Variants in ESRRG observed in about 807,000 individuals in gnomAD.
ESRRG encodes the protein estrogen related receptor gamma.
Under a neutral mutation model 44.0 loss-of-function variants are expected in ESRRG, and 13 were observed. That is an observed-to-expected ratio of 0.30 (90% confidence interval 0.19 to 0.47). ESRRG has a LOEUF of 0.47. Among genes scored for constraint, ESRRG ranks in the 20% least tolerant of loss-of-function variants. The pLI, the probability that ESRRG is intolerant of heterozygous loss-of-function variation, is 1.00. For missense variants in ESRRG, 395 were observed against 580.6 expected (o/e 0.68, Z 3.29); for synonymous variants, 215 against 214.6 (o/e 1.00, Z -0.02).
intron 2 of ESRRG, among the ~76,000 whole-genome samples, chr1:216,932,084 A>G (rs2063435427): frequency 6.6e-6 from 1 of 152,094 alleles, no homozygotes; most frequent in South Asian, 2.1e-4. Flanking sequence ...TGCACCTGTA[A>G]TCCGAGTTAC....
intron 2 of ESRRG, among the ~76,000 whole-genome samples, chr1:216,847,603 C>T (rs1012085701): frequency 5.3e-5 from 8 of 152,082 alleles, no homozygotes; most frequent in Non-Finnish European, 1.2e-4. Flanking sequence ...TCATTTTAGT[C>T]CAGGCTCCTG....
Position 217,019,226 on chromosome 1 carries a change from A to G in ESRRG, c.-106+70281T>C, listed in dbSNP as rs1579575500. On this transcript the variant is annotated intron_variant, in intron 1 of 7. Coordinates refer to the ESRRG transcript ENST00000359162. ...TTAGTCTATTCCTAAAACAAGAAAT[A>G]CAAAGCATTTAAGCAGGTATCACTA... 2.6e-5 allele frequency among the ~76,000 whole-genome samples: 4 copies of G among 152,366 alleles called. No homozygotes were observed. The East Asian group carries it at 7.7e-4, about 29-fold the overall frequency.
At chr1:216,590,747 G>T (rs982802913) in intron 3 of ESRRG, among the ~76,000 whole-genome samples, 1 of 152,014 alleles carries the variant, frequency 6.6e-6, no homozygotes, top group Non-Finnish European at 1.5e-5. Context: ...CTACAAACCC[G>T]GTTTTGTTTT....
At chr1:216,635,055 T>G (rs566613547) in intron 3 of ESRRG, among the ~76,000 whole-genome samples, 1 of 152,152 alleles carries the variant, frequency 6.6e-6, no homozygotes, top group African/African-American at 2.4e-5. Flanking sequence ...CCCCATATTT[T>G]GAGACTGAAA....
intron 1 of ESRRG, among the ~76,000 whole-genome samples, chr1:216,954,942 A>C (rs2067670733): frequency 6.6e-6 from 1 of 152,130 alleles, no homozygotes; most frequent in Admixed American, 6.6e-5. Context: ...GTACATATTT[A>C]TGCGGTATAG....
chr1:217,008,035 TA>T (rs1348970391), intron 1 of ESRRG, among the ~76,000 whole-genome samples: 3 of 152,224 alleles, frequency 2.0e-5, no homozygotes, highest in African/African-American at 7.2e-5. Flanking sequence ...TTTCATCTGC[TA>T]TGCTCAAATG....
At chr1:216,673,854 A>C (rs936160484) in intron 2 of ESRRG, among the ~76,000 whole-genome samples, 2 of 152,226 alleles carry the variant, frequency 1.3e-5, no homozygotes, top group African/African-American at 4.8e-5. Context: ...AATTCATCTC[A>C]ATCCACAACC....
At chr1:216,687,678 G>A (rs1334381909) in intron 1 of ESRRG, among the ~76,000 whole-genome samples, 1 of 152,110 alleles carries the variant, frequency 6.6e-6, no homozygotes, top group East Asian at 1.9e-4. Context: ...TTTTAATTCA[G>A]AATCTCTAGA....
chr1:216,834,939 G>C (rs1335052324), intron 2 of ESRRG, among the ~76,000 whole-genome samples: 1 of 152,150 alleles, frequency 6.6e-6, no homozygotes, highest in Non-Finnish European at 1.5e-5. Context: ...GACAGCAATT[G>C]AAGTACAGTA....
chr1:216,727,172 A>G (rs894602981), upstream of ESRRG, among the ~76,000 whole-genome samples: 1 of 152,212 alleles, frequency 6.6e-6, no homozygotes, highest in Admixed American at 6.5e-5. Flanking sequence ...CTAAATATGT[A>G]AAACTAAACA....
At chr1:217,019,516 G>C (rs576674422) in intron 1 of ESRRG, among the ~76,000 whole-genome samples, 1 of 152,168 alleles carries the variant, frequency 6.6e-6, no homozygotes, top group Non-Finnish European at 1.5e-5. Context: ...CTTAGAGTGT[G>C]CAAGGATAGT....
At chr1:216,673,422 C>T (rs980688380) in intron 2 of ESRRG, among the ~76,000 whole-genome samples, 17 of 152,332 alleles carry the variant, frequency 1.1e-4, no homozygotes, top group East Asian at 1.9e-4. Flanking sequence ...CCAAGTGCTG[C>T]GCAGCTGCCA....
At chr1:217,010,077 T>A (rs536417606) in intron 1 of ESRRG, among the ~76,000 whole-genome samples, 20 of 152,256 alleles carry the variant, frequency 1.3e-4, no homozygotes, top group African/African-American at 4.3e-4. Flanking sequence ...CCATGGGCAC[T>A]TTTTTATTGA....
At chr1:216,624,606 C>T (rs183516687) in intron 3 of ESRRG, among the ~76,000 whole-genome samples, 70 of 152,270 alleles carry the variant, frequency 4.6e-4, no homozygotes, top group Admixed American at 2.0e-3. Flanking sequence ...AAAAAACTGC[C>T]ATTCTTTCTC....
intron 1 of ESRRG, among the ~76,000 whole-genome samples, chr1:217,003,716 A>C (rs557613233): frequency 6.6e-6 from 1 of 151,832 alleles, no homozygotes; most frequent in South Asian, 2.1e-4. Context: ...TGGAAACAGG[A>C]AATAACTAAA....
chr1:216,975,494 C>T (rs562034477), intron 1 of ESRRG, among the ~76,000 whole-genome samples: 1 of 152,296 alleles, frequency 6.6e-6, no homozygotes, highest in East Asian at 1.9e-4. Context: ...GTTGCCCTGC[C>T]AATTTGGCGG....
chr1:216,766,284 G>A (rs2093071317), intron 2 of ESRRG, among the ~76,000 whole-genome samples: 1 of 152,068 alleles, frequency 6.6e-6, no homozygotes, highest in South Asian at 2.1e-4. Context: ...ATTTATAGCT[G>A]CTGCTGTTTG....
intron 1 of ESRRG, among the ~76,000 whole-genome samples, chr1:217,123,501 C>A (rs1447408931): frequency 6.6e-6 from 1 of 152,110 alleles, no homozygotes; most frequent in Non-Finnish European, 1.5e-5. Context: ...ATGGAACCAA[C>A]CCAAATGCTG....
rs34245595 is a variant in ESRRG at position 216,541,561 on chromosome 1, A to AGTGTGTGTGTGT, written c.863-22152_863-22141dup. Among the ~76,000 whole-genome samples, 125 of 130,412 alleles carry AGTGTGTGTGTGT rather than the reference A, an allele frequency of 9.6e-4. 1 individual carries two copies. Among genetic ancestry groups the AGTGTGTGTGTGT allele is most frequent in the Non-Finnish European group, 1.2e-3 (75 of 60,444 alleles). 85.6% of individuals were successfully genotyped at this position (130,412 alleles called of 152,430 possible). On this transcript the variant is annotated intron_variant, in intron 5 of 6. Transcript: ENST00000408911. Reference sequence around the variant, plus strand: ...GCTCAGCTATTTGAGTCTTTTGGTTAGTGTGTGTGTGTGTGTGTGTGTGTG... The same window carrying AGTGTGTGTGTGT: ...GCTCAGCTATTTGAGTCTTTTGGTTAGTGTGTGTGTGTGTGTGTGTGTGTGTGTGTGTGTGTG...
Sources: gnomAD v4.1 joint callset for allele counts (sites outside exome capture counted in the v4.1 genomes callset) on GRCh38, gnomAD v4.1.1 for gene constraint, MANE v1.5 for transcripts, NCBI Gene and HGNC (gene_info 2026-07-23, HGNC 2026-07-21) for gene names.